GLRA1: variants seen among roughly 807,000 people sequenced by gnomAD.
GLRA1 encodes the protein glycine receptor alpha 1, also known as glycine receptor subunit alpha-1.
GLRA1 carries 37 observed loss-of-function variants against 48.3 expected under a neutral mutation model. The ratio of observed to expected loss-of-function variants is 0.77; its 90% CI spans 0.59 to 1.01. The LOEUF (loss-of-function observed/expected upper bound fraction) is 1.01, where lower values mean the gene tolerates loss of function less well. Among genes scored for constraint, GLRA1 ranks in the 50% least tolerant of loss-of-function variants. GLRA1 has a pLI of 0.00. For synonymous variants in GLRA1, 196 were observed against 210.7 expected (o/e 0.93, Z 0.60); for missense variants, 427 against 571.0 (o/e 0.75, Z 2.57).
intron 1 of GLRA1, among the ~76,000 whole-genome samples, chr5:151,906,004 C>A (rs1172948044): frequency 6.6e-6 from 1 of 152,072 alleles, no homozygotes; most frequent in Non-Finnish European, 1.5e-5. Context: ...CAAGCATTCC[C>A]TAAATGCTCG....
At chr5:151,900,291 CTG>C (rs1754332006) in intron 1 of GLRA1, among the ~76,000 whole-genome samples, 1 of 152,208 alleles carries the variant, frequency 6.6e-6, no homozygotes, top group African/African-American at 2.4e-5. Flanking sequence ...CACTCTAGTC[CTG>C]GCCCTGCTAC....
chr5:151,828,062 C>G (rs1044837545), intron 8 of GLRA1, among the ~76,000 whole-genome samples: 2 of 151,988 alleles, frequency 1.3e-5, no homozygotes, highest in East Asian at 1.9e-4. Flanking sequence ...TGGAAGAGAT[C>G]GGCTTTAAAA....
At chr5:151,915,182 G>C (rs975638597) in intron 1 of GLRA1, among the ~76,000 whole-genome samples, 2 of 152,136 alleles carry the variant, frequency 1.3e-5, no homozygotes, top group African/African-American at 4.8e-5. Context: ...ATATGATGTT[G>C]TTAGCATAGT....
At chr5:151,883,891 A>T (rs1233705672) in intron 3 of GLRA1, among the ~76,000 whole-genome samples, 1 of 152,240 alleles carries the variant, frequency 6.6e-6, no homozygotes, top group East Asian at 1.9e-4. Flanking sequence ...AGCAAAATGC[A>T]GCAGAAGTGA....
At chr5:151,860,049 C>T (rs1288605062) in intron 3 of GLRA1, 41 bp from the exon 4 acceptor site, 1 of 1,479,180 alleles carries the variant, frequency 6.8e-7, no homozygotes, top group Non-Finnish European at 9.4e-7. Context: ...ATGTTAGGCC[C>T]AAGGACATCA....
intron 1 of GLRA1, among the ~76,000 whole-genome samples, chr5:151,916,701 T>A (rs571729085): frequency 4.6e-5 from 7 of 152,294 alleles, no homozygotes; most frequent in African/African-American, 1.7e-4. Context: ...ACCCTCTCCT[T>A]CTGACCATCT....
intron 8 of GLRA1, among the ~76,000 whole-genome samples, chr5:151,823,934 T>TGAGGAG (rs1763209562): frequency 6.6e-6 from 1 of 151,998 alleles, no homozygotes; most frequent in Non-Finnish European, 1.5e-5. Flanking sequence ...ATGTGAGCTC[T>TGAGGAG]GAGGAGGAAT....
chr5:151,851,453 T>G lies in GLRA1; in HGVS notation c.849A>C (p.Leu283=). The G allele has an allele frequency of 6.2e-7, 1 of 1,614,058 alleles. No homozygotes were observed. Among genetic ancestry groups the G allele is most frequent in the South Asian group, 1.1e-5 (1 of 91,062 alleles). Residue 283 remains leucine (L), a synonymous_variant, in exon 7 of 9, where the codon CTA becomes CTC. Transcript: ENST00000274576. ...TCATGGTGAGCACAGTGGTGATGCC[T>G]AGGCCCACACGAGCAGGTGCAGCAT... The part of the protein sequence containing the change: ...NMDAAPARVG[L]GITTVLTMTT...
chr5:151,851,730 T>A, intron 6 of GLRA1, 126 bp from the exon 7 acceptor site: 1 of 709,352 alleles, frequency 1.4e-6, no homozygotes. Flanking sequence ...GACAAGTATT[T>A]GAATTGTTCT....
At chr5:151,845,405 G>A (rs1390778275) in intron 7 of GLRA1, among the ~76,000 whole-genome samples, 1 of 152,194 alleles carries the variant, frequency 6.6e-6, no homozygotes, top group Non-Finnish European at 1.5e-5. Flanking sequence ...GATTTTAATA[G>A]TGAGTGGAGC....
rs77798723 is a variant in GLRA1, at chr5:151,902,017, C to T, written c.57-9579G>A. Among the ~76,000 whole-genome samples, 332 of 152,242 alleles carry T rather than the reference C, an allele frequency of 2.2e-3. 2 individuals are homozygous for T. Among genetic ancestry groups the T allele is most frequent in the East Asian group, 0.021 (108 of 5,188 alleles). Reference sequence around the variant, plus strand: ...GATTTGCAGAGTCCCTCTGAGAAGCCTCTCTGGTTCGTGATATAAATGTTT... The same window carrying T: ...GATTTGCAGAGTCCCTCTGAGAAGCTTCTCTGGTTCGTGATATAAATGTTT... On this transcript the variant is annotated intron_variant, in intron 1 of 8. Transcript: ENST00000274576.
intron 1 of GLRA1, among the ~76,000 whole-genome samples, chr5:151,903,545 G>A (rs955666502): frequency 1.3e-5 from 2 of 152,170 alleles, no homozygotes; most frequent in African/African-American, 4.8e-5. Flanking sequence ...AGGTTCCAAA[G>A]TCTTGGGCAA....
chr5:151,859,189 G>A (rs1753128488), intron 4 of GLRA1, among the ~76,000 whole-genome samples: 1 of 152,166 alleles, frequency 6.6e-6, no homozygotes, highest in African/African-American at 2.4e-5. Context: ...TTGGACATTG[G>A]TCATTTTCCT....
chr5:151,920,588 T>G (rs566960373), intron 1 of GLRA1, among the ~76,000 whole-genome samples: 18 of 152,170 alleles, frequency 1.2e-4, no homozygotes, highest in Non-Finnish European at 2.1e-4. Flanking sequence ...TTTCTCTTTT[T>G]TAAGGTTCCT....
Position 151,886,158 on chromosome 5 carries a change from G to A in GLRA1, c.252+563C>T, listed in dbSNP as rs577163540. On this transcript the variant is annotated intron_variant, in intron 3 of 8. Transcript: ENST00000274576. ...TAATATTCACCCCTTGCAGAAATTT[G>A]AAAAATATATAAATACTGTAGGAAG... Among the ~76,000 whole-genome samples the A allele has an allele frequency of 3.3e-3, 507 of 152,184 alleles. 2 individuals are homozygous for A. Among genetic ancestry groups the A allele is most frequent in the African/African-American group, 0.012 (487 of 41,516 alleles).
intron 4 of GLRA1, among the ~76,000 whole-genome samples, chr5:151,856,763 C>T (rs1351835363): frequency 6.6e-6 from 1 of 152,086 alleles, no homozygotes; most frequent in East Asian, 1.9e-4. Context: ...CTCAAGCAGT[C>T]CTCCCACATC....
At chr5:151,825,431 G>A (rs1763249428) in intron 8 of GLRA1, among the ~76,000 whole-genome samples, 1 of 152,210 alleles carries the variant, frequency 6.6e-6, no homozygotes, top group African/African-American at 2.4e-5. Flanking sequence ...AGTAGGAGGA[G>A]TAGAGGTTTG....
chr5:151,880,107 C>T (rs576961820), intron 3 of GLRA1, among the ~76,000 whole-genome samples: 2 of 152,350 alleles, frequency 1.3e-5, no homozygotes, highest in South Asian at 4.1e-4. Flanking sequence ...CCATGTAGAA[C>T]TGTAAGTCCA....
intron 1 of GLRA1, among the ~76,000 whole-genome samples, chr5:151,894,139 A>ATG (rs1162891691): frequency 3.3e-5 from 5 of 151,944 alleles, no homozygotes; most frequent in African/African-American, 9.7e-5. Context: ...ATATGAATGT[A>ATG]TGTGTGTGTG....
Sources: gnomAD v4.1 joint callset for allele counts (sites outside exome capture counted in the v4.1 genomes callset) on GRCh38, gnomAD v4.1.1 for gene constraint, MANE v1.5 for transcripts, NCBI Gene and HGNC (gene_info 2026-07-23, HGNC 2026-07-21) for gene names.